COL4A4: variants seen among roughly 807,000 people sequenced by gnomAD.
COL4A4 encodes the protein collagen type IV alpha 4 chain.
A neutral mutation model predicts 192.9 loss-of-function variants in COL4A4; 105 were observed. That is an observed-to-expected ratio of 0.54 (90% CI 0.46 to 0.64). COL4A4 has a LOEUF of 0.64. COL4A4 is among the 30% of genes least tolerant of loss of function. The pLI is 0.00. For missense variants in COL4A4, 1,967 were observed against 2,169.3 expected, an observed-to-expected ratio of 0.91 and a Z score of 1.85; for synonymous variants, 762 against 769.9, an observed-to-expected ratio of 0.99 and a Z score of 0.17.
At chr2:227,103,283 C>G (rs2060628852) in intron 13 of COL4A4, 86 bp from the exon 14 acceptor site, 1 of 1,081,496 alleles carries the variant, frequency 9.2e-7, no homozygotes, top group Non-Finnish European at 1.4e-6. Flanking sequence ...TCTCTTTTTA[C>G]AATCTGTTTC....
At chr2:227,138,637 CAAA>C (rs67330769) in intron 4 of COL4A4, among the ~76,000 whole-genome samples, 2 of 128,010 alleles carry the variant, frequency 1.6e-5, no homozygotes, top group African/African-American at 2.7e-5. Context: ...TGTCTCAAAA[CAAA>C]AAAAAAAAAA....
chr2:227,112,692 G>A (rs769193851), intron 8 of COL4A4, among the ~76,000 whole-genome samples: 48 of 152,178 alleles, frequency 3.2e-4, no homozygotes, highest in Non-Finnish European at 5.6e-4. Context: ...GTCTCCTCCA[G>A]TGGAAACTCT....
At chr2:227,085,140 AC>A (rs1455386424) in intron 22 of COL4A4, among the ~76,000 whole-genome samples, 7 of 133,682 alleles carry the variant, frequency 5.2e-5, no homozygotes, top group Admixed American at 8.2e-5. Context: ...AAAAAAAAAA[AC>A]AAAAGCAAAA....
chr2:227,019,985 T>C (rs1965680791), intron 44 of COL4A4, among the ~76,000 whole-genome samples: 1 of 152,230 alleles, frequency 6.6e-6, no homozygotes, highest in Non-Finnish European at 1.5e-5. Flanking sequence ...CTTTTTAACA[T>C]GAATTGTGTA....
intron 3 of COL4A4, among the ~76,000 whole-genome samples, chr2:227,141,386 G>A (rs1437423091): frequency 6.6e-6 from 1 of 152,126 alleles, no homozygotes; most frequent in Non-Finnish European, 1.5e-5. Flanking sequence ...ATAGTCCCAT[G>A]GAAGACATAT....
At chr2:227,117,256 C>G (rs369729045) in intron 7 of COL4A4, among the ~76,000 whole-genome samples, 11 of 152,260 alleles carry the variant, frequency 7.2e-5, no homozygotes, top group African/African-American at 2.6e-4. Flanking sequence ...GTGGCTGGTA[C>G]TGCATGCTAT....
intron 22 of COL4A4, among the ~76,000 whole-genome samples, chr2:227,083,396 A>G (rs1385657222): frequency 1.3e-5 from 2 of 152,192 alleles, no homozygotes; most frequent in African/African-American, 4.8e-5. Flanking sequence ...TGACTGAGCA[A>G]GCCAGTTGCT....
chr2:227,144,594 G>A (rs2063424688), intron 2 of COL4A4, 36 bp from the exon 3 acceptor site: 3 of 1,504,706 alleles, frequency 2.0e-6, no homozygotes, highest in Non-Finnish European at 2.8e-6. Context: ...AATTTAAACA[G>A]TTTCTTTTCA....
chr2:226,986,844 A>G, the COL4A4 span, among the ~76,000 whole-genome samples: 1 of 152,356 alleles, frequency 6.6e-6, no homozygotes, highest in South Asian at 2.1e-4. Flanking sequence ...TACCCAAAGG[A>G]CTATAAATCA....
Position 227,043,151 on chromosome 2 carries a change from G to C in COL4A4, c.3323C>G (p.Pro1108Arg). ...HFGASGEQGL[P>R]GIQGPRGSPG... ...TGATCCTCTGGGCCCTTGAATACCA[G>C]GCAAGCCCTGCTCTCCGGATGCTCC... Residue 1108 changes from proline (P) to arginine (R), a missense_variant, in exon 36 of 48, where the codon CCT (proline) becomes CGT (arginine). Transcript: ENST00000396625. The C allele has an allele frequency of 6.2e-7, 1 of 1,614,156 alleles. No homozygotes were observed. Among genetic ancestry groups the C allele is most frequent in the Non-Finnish European group, 8.5e-7 (1 of 1,180,026 alleles).
At chr2:227,132,250 A>G (rs74882796) in intron 4 of COL4A4, among the ~76,000 whole-genome samples, 1,666 of 152,144 alleles carry the variant, frequency 0.011, 34 homozygotes, top group African/African-American at 0.038. Context: ...ATGTGACTTG[A>G]GCACCTCAAA....
intron 37 of COL4A4, among the ~76,000 whole-genome samples, chr2:227,033,693 C>A (rs979746302): frequency 6.6e-6 from 1 of 152,218 alleles, no homozygotes; most frequent in Admixed American, 6.5e-5. Context: ...CAGCTTAACA[C>A]AAACATTTCT....
chr2:227,096,799 T>TGGC (rs2060227249), intron 19 of COL4A4, among the ~76,000 whole-genome samples: 2 of 152,180 alleles, frequency 1.3e-5, no homozygotes, highest in Non-Finnish European at 2.9e-5. Context: ...CTGTACCACA[T>TGGC]TATACTATAT....
At chr2:226,979,276 TCA>T in the COL4A4 span, among the ~76,000 whole-genome samples, 1 of 152,080 alleles carries the variant, frequency 6.6e-6, no homozygotes, top group East Asian at 1.9e-4. Flanking sequence ...TAGGTTCTTG[TCA>T]CACAACCAGG....
chr2:227,050,123 T>C lies in COL4A4; in HGVS notation c.3159A>G (p.Pro1053=), dbSNP rs1458514866. Residue 1053 remains proline (P), a synonymous_variant, in exon 34 of 48, where the codon CCA becomes CCG. Coordinates refer to ENST00000396625, the MANE Select transcript of COL4A4 (RefSeq NM_000092.5). ...AAAATCCAGGGGGACCTGGAGAACC[T>C]GGCTCACCCTGACAGTTTAATGAAA... ...FPGLPGDQGE[P]GSPGPPGFSG... is the part of the protein sequence containing the mutation. The C allele has an allele frequency of 2.5e-6, 4 of 1,614,016 alleles. No homozygotes were observed. The highest frequency in any genetic ancestry group is 2.5e-6 in the Non-Finnish European group (3 of 1,179,950).
At chr2:227,130,792 C>A (rs2062404391) in intron 4 of COL4A4, among the ~76,000 whole-genome samples, 1 of 152,236 alleles carries the variant, frequency 6.6e-6, no homozygotes, top group African/African-American at 2.4e-5. Flanking sequence ...TGAGCGGGCA[C>A]CACTGTCTGC....
At chr2:226,975,332 T>C in the COL4A4 span, among the ~76,000 whole-genome samples, 1 of 152,176 alleles carries the variant, frequency 6.6e-6, no homozygotes, top group East Asian at 1.9e-4. Flanking sequence ...ATCATCACGT[T>C]GTACACCTTA....
intron 3 of COL4A4, among the ~76,000 whole-genome samples, chr2:227,142,740 AGTG>A (rs1559730809): frequency 6.6e-6 from 1 of 151,176 alleles, no homozygotes; most frequent in African/African-American, 2.4e-5. Context: ...TGGGTGACAC[AGTG>A]AGACCCTGTC....
At chr2:227,065,293 G>C (rs573112123) in intron 25 of COL4A4, among the ~76,000 whole-genome samples, 28 of 152,370 alleles carry the variant, frequency 1.8e-4, no homozygotes, top group African/African-American at 6.7e-4. Flanking sequence ...GCGGCAGCGA[G>C]GCTGGGGGAG....
Sources: allele counts gnomAD v4.1 joint callset (sites outside exome capture counted in the v4.1 genomes callset), GRCh38; gene constraint gnomAD v4.1.1; transcripts MANE v1.5; gene names NCBI Gene and HGNC (gene_info 2026-07-23, HGNC 2026-07-21).